MTHFD2L: variants seen among roughly 807,000 people sequenced by gnomAD.
The protein encoded by MTHFD2L is methylenetetrahydrofolate dehydrogenase (NADP+ dependent) 2 like.
A neutral mutation model predicts 34.9 loss-of-function variants in MTHFD2L; 29 were observed. That is an observed-to-expected ratio of 0.83 (90% confidence interval 0.62 to 1.13). MTHFD2L has a LOEUF of 1.13. Ranked by LOEUF, MTHFD2L falls within the 50% of genes most tolerant of loss-of-function variation. The pLI is 0.00. For synonymous variants in MTHFD2L, 167 were observed against 155.7 expected, an observed-to-expected ratio of 1.07 and a Z score of -0.54; for missense variants, 481 against 446.5, an observed-to-expected ratio of 1.08 and a Z score of -0.70.
intron 6 of MTHFD2L, among the ~76,000 whole-genome samples, chr4:74,274,642 T>G (rs559605012): frequency 6.6e-6 from 1 of 152,330 alleles, no homozygotes; most frequent in South Asian, 2.1e-4. Flanking sequence ...AGTTTATGGT[T>G]ACTGTAGCAT....
At chr4:74,207,532 C>T (rs1356700644) in intron 5 of MTHFD2L, among the ~76,000 whole-genome samples, 1 of 152,112 alleles carries the variant, frequency 6.6e-6, no homozygotes, top group African/African-American at 2.4e-5. Flanking sequence ...TCCTGTCTCT[C>T]CAAAAGTTGA....
chr4:74,199,293 TA>T (rs999041602), intron 3 of MTHFD2L, among the ~76,000 whole-genome samples: 7 of 152,052 alleles, frequency 4.6e-5, no homozygotes, highest in Non-Finnish European at 1.5e-5. Context: ...GTGTGTGTTT[TA>T]TATTAGATTT....
In MTHFD2L at chr4:74,201,318, G is replaced by T. The variant is rs147971168; in HGVS notation, c.660G>T (p.Gly220=). ...TGGCTGGAAGATCCAAGAACGTAGG[G>T]ATGCCTATTGCCATGCTTTTACACA... ...VVVAGRSKNV[G]MPIAMLLHTD... The change falls in exon 5 of 8, where the codon GGG becomes GGT. Residue 220 remains glycine (G), a synonymous_variant. Transcript: ENST00000325278. The T allele has an allele frequency of 6.2e-7, 1 of 1,613,788 alleles. No homozygotes were observed. The highest frequency in any genetic ancestry group is 8.5e-7 in the Non-Finnish European group (1 of 1,179,844).
At chr4:74,225,852 T>C (rs1739068637) in intron 6 of MTHFD2L, among the ~76,000 whole-genome samples, 2 of 152,186 alleles carry the variant, frequency 1.3e-5, no homozygotes, top group Admixed American at 1.3e-4. Flanking sequence ...GTCTAGACTT[T>C]AGGGGAAAAG....
chr4:74,142,070 C>T (rs1195724139), intron 1 of MTHFD2L, among the ~76,000 whole-genome samples: 3 of 152,114 alleles, frequency 2.0e-5, no homozygotes, highest in Non-Finnish European at 2.9e-5. Flanking sequence ...AAAGAACCAA[C>T]GATTCTCCTA....
chr4:74,298,793 G>A (rs1462349017), intron 7 of MTHFD2L, among the ~76,000 whole-genome samples: 1 of 151,738 alleles, frequency 6.6e-6, no homozygotes, highest in African/African-American at 2.4e-5. Flanking sequence ...TTAATTTTTG[G>A]CACTTGAGCC....
At chr4:74,211,389 A>G (rs1248263873) in intron 5 of MTHFD2L, among the ~76,000 whole-genome samples, 1 of 152,148 alleles carries the variant, frequency 6.6e-6, no homozygotes, top group Non-Finnish European at 1.5e-5. Flanking sequence ...AGTGTTTAGT[A>G]TGAAGGGGTG....
chr4:74,255,502 A>T (rs913385886), intron 6 of MTHFD2L, among the ~76,000 whole-genome samples: 11 of 152,212 alleles, frequency 7.2e-5, no homozygotes, highest in East Asian at 3.8e-4. Flanking sequence ...AAATAATTTT[A>T]ACTTTTAGAT....
At chr4:74,234,347 T>C (rs1450848667) in intron 6 of MTHFD2L, among the ~76,000 whole-genome samples, 4 of 152,100 alleles carry the variant, frequency 2.6e-5, no homozygotes, top group South Asian at 2.1e-4. Context: ...ATATTATGTA[T>C]ATTTTCAATC....
intron 5 of MTHFD2L, among the ~76,000 whole-genome samples, chr4:74,223,727 G>A (rs1373558508): frequency 2.0e-5 from 3 of 151,890 alleles, no homozygotes; most frequent in Non-Finnish European, 4.4e-5. Flanking sequence ...ACATTGCTAA[G>A]TTCTTAAATT....
intron 1 of MTHFD2L, among the ~76,000 whole-genome samples, chr4:74,159,794 C>A (rs1725010896): frequency 6.6e-6 from 1 of 152,230 alleles, no homozygotes; most frequent in Admixed American, 6.5e-5. Flanking sequence ...TTACTAATTT[C>A]AGCCCGGCTG....
intron 6 of MTHFD2L, chr4:74,267,650 G>A: frequency 3.3e-6 from 3 of 901,538 alleles, no homozygotes; most frequent in South Asian, 1.0e-4. Flanking sequence ...GCCCAGGCTG[G>A]TTTTGAACTC....
At chr4:74,276,757 G>C (rs1402240797) in intron 6 of MTHFD2L, among the ~76,000 whole-genome samples, 1 of 152,090 alleles carries the variant, frequency 6.6e-6, no homozygotes, top group African/African-American at 2.4e-5. Flanking sequence ...AGACAGCAGT[G>C]TAAGTAGACT....
intron 5 of MTHFD2L, among the ~76,000 whole-genome samples, chr4:74,219,098 T>C (rs1327479197): frequency 6.6e-6 from 1 of 152,062 alleles, no homozygotes; most frequent in African/African-American, 2.4e-5. Context: ...TGTAGGAGTA[T>C]ATGCATAGGT....
chr4:74,246,622 T>G (rs886249912), intron 6 of MTHFD2L, among the ~76,000 whole-genome samples: 13 of 152,334 alleles, frequency 8.5e-5, no homozygotes, highest in African/African-American at 2.9e-4. Context: ...GTCTAACATT[T>G]AAGTCTTTAA....
At chr4:74,168,446 GA>G (rs1308035607) in intron 1 of MTHFD2L, among the ~76,000 whole-genome samples, 2 of 152,158 alleles carry the variant, frequency 1.3e-5, no homozygotes. Flanking sequence ...TCAGAGAAGT[GA>G]TATCTTAACC....
intron 6 of MTHFD2L, among the ~76,000 whole-genome samples, chr4:74,245,330 A>T (rs1160170936): frequency 6.6e-6 from 1 of 151,648 alleles, no homozygotes; most frequent in African/African-American, 2.4e-5. Flanking sequence ...TAGTTGAAAT[A>T]TGTTATTTAT....
chr4:74,288,919 C>G (rs1451124798), intron 7 of MTHFD2L, among the ~76,000 whole-genome samples: 2 of 152,156 alleles, frequency 1.3e-5, no homozygotes, highest in Non-Finnish European at 2.9e-5. Flanking sequence ...TTGTGACTTT[C>G]ATTTTTTATA....
intron 2 of MTHFD2L, among the ~76,000 whole-genome samples, chr4:74,117,815 A>C (rs1353659603): frequency 6.6e-6 from 1 of 152,108 alleles, no homozygotes; most frequent in African/African-American, 2.4e-5. Flanking sequence ...TTGTCTTAAG[A>C]ACTCTATGCT....
Sources: allele counts gnomAD v4.1 joint callset (sites outside exome capture counted in the v4.1 genomes callset), GRCh38; gene constraint gnomAD v4.1.1; transcripts MANE v1.5; gene names NCBI Gene and HGNC (gene_info 2026-07-23, HGNC 2026-07-21).